The following VTA1 variants were observed in gnomAD, a reference collection of about 807,000 sequenced individuals.
VTA1 encodes vesicle trafficking 1.
VTA1 carries 24 observed loss-of-function variants against 36.9 expected under a neutral mutation model. The ratio of observed to expected loss-of-function variants is 0.65; its 90% CI spans 0.47 to 0.91. VTA1 has a LOEUF of 0.91. Among genes scored for constraint, VTA1 ranks in the 40% least tolerant of loss-of-function variants. The pLI, the probability that VTA1 is intolerant of heterozygous loss-of-function variation, is 0.00. For missense variants in VTA1, 393 were observed against 377.2 expected (o/e 1.04, Z -0.35); for synonymous variants, 142 against 130.2 (o/e 1.09, Z -0.62).
intron 4 of VTA1, among the ~76,000 whole-genome samples, chr6:142,174,801 CA>C (rs1451977250): frequency 1.3e-5 from 2 of 152,050 alleles, no homozygotes; most frequent in African/African-American, 4.8e-5. Flanking sequence ...CCTGTTATTT[CA>C]CGTGAGAAGT....
intron 4 of VTA1, among the ~76,000 whole-genome samples, chr6:142,176,677 CA>C (rs1297898617): frequency 6.7e-6 from 1 of 148,818 alleles, no homozygotes; most frequent in African/African-American, 2.5e-5. Context: ...AAATGAATTA[CA>C]AAAGAGAAAA....
At chr6:142,216,211 C>A (rs954686999) in intron 7 of VTA1, among the ~76,000 whole-genome samples, 8 of 151,818 alleles carry the variant, frequency 5.3e-5, no homozygotes, top group Non-Finnish European at 1.2e-4. Context: ...AAATTTAACA[C>A]TTGTTCTCTT....
At chr6:142,168,081 A>G (rs1265696748) in intron 2 of VTA1, among the ~76,000 whole-genome samples, 1 of 152,194 alleles carries the variant, frequency 6.6e-6, no homozygotes, top group Non-Finnish European at 1.5e-5. Flanking sequence ...TTCCATGGTA[A>G]GGGCACACTG....
Position 142,204,053 on chromosome 6 carries a change from A to G in VTA1, c.766A>G (p.Thr256Ala), listed in dbSNP as rs1202015539. 2 of 1,613,554 alleles carry G rather than the reference A, an allele frequency of 1.2e-6. No individual in the cohort carries two copies. Among genetic ancestry groups the G allele is most frequent in the Non-Finnish European group, 1.7e-6 (2 of 1,179,640 alleles). The change falls in exon 7 of 8, where the codon ACA (threonine) becomes GCA (alanine). Residue 256 changes from threonine to alanine, a missense_variant. By Grantham distance (58) the Thr-to-Ala change is moderately conservative. Transcript: ENST00000367630. ...TGCCATTGATCCCGCACTTTTCAATACAATTTCCCAGGGTAAGTCAGCTGA... is the reference window on the plus strand; with the variant it reads ...TGCCATTGATCCCGCACTTTTCAATGCAATTTCCCAGGGTAAGTCAGCTGA... The part of the protein sequence containing the change: ...IPAIDPALFN[T>A]ISQGDVRLTP...
chr6:142,172,190 T>C, intron 4 of VTA1, among the ~76,000 whole-genome samples: 1 of 152,180 alleles, frequency 6.6e-6, no homozygotes. Context: ...TTTTGTATTT[T>C]AGCAGAGATG....
chr6:142,213,523 G>A (rs1775942019), intron 7 of VTA1, among the ~76,000 whole-genome samples: 1 of 152,234 alleles, frequency 6.6e-6, no homozygotes, highest in African/African-American at 2.4e-5. Context: ...TGGGCATGCT[G>A]CATGGGGGCT....
intron 7 of VTA1, among the ~76,000 whole-genome samples, chr6:142,204,853 T>C (rs1173430927): frequency 6.6e-6 from 1 of 150,882 alleles, no homozygotes; most frequent in Admixed American, 6.6e-5. Context: ...ACCTCCCCAG[T>C]AGCTGGGACT....
chr6:142,152,812 A>T (rs1477459841), intron 1 of VTA1, among the ~76,000 whole-genome samples: 1 of 152,126 alleles, frequency 6.6e-6, no homozygotes, highest in Non-Finnish European at 1.5e-5. Context: ...AATTTTATAA[A>T]TTCCTAGAGC....
chr6:142,187,500 A>G (rs1161092457), intron 4 of VTA1, among the ~76,000 whole-genome samples: 2 of 152,240 alleles, frequency 1.3e-5, no homozygotes, highest in Admixed American at 6.5e-5. Context: ...AGACACAGGC[A>G]TATTCAAATT....
At chr6:142,152,109 ATTTTT>A (rs35388230) in intron 1 of VTA1, among the ~76,000 whole-genome samples, 1 of 147,828 alleles carries the variant, frequency 6.8e-6, no homozygotes, top group Non-Finnish European at 1.5e-5. Context: ...TGTTATTACT[ATTTTT>A]TTTTTTTCAC....
chr6:142,203,239 C>G (rs570036566), intron 6 of VTA1, among the ~76,000 whole-genome samples: 1 of 152,130 alleles, frequency 6.6e-6, no homozygotes, highest in Non-Finnish European at 1.5e-5. Context: ...ACCCTTTCTA[C>G]AAATTGCCTA....
At chr6:142,171,681 A>T (rs1388100636) in intron 4 of VTA1, among the ~76,000 whole-genome samples, 1 of 152,310 alleles carries the variant, frequency 6.6e-6, no homozygotes, top group Middle Eastern at 3.4e-3. Flanking sequence ...TTATTTTCTG[A>T]GAGGGAATAT....
At chr6:142,183,859 G>A (rs138749086) in intron 4 of VTA1, among the ~76,000 whole-genome samples, 2 of 152,216 alleles carry the variant, frequency 1.3e-5, no homozygotes, top group African/African-American at 4.8e-5. Flanking sequence ...AATTAAATAC[G>A]TTGCTTTACT....
chr6:142,201,285 C>G (rs918798737), intron 6 of VTA1, among the ~76,000 whole-genome samples: 1 of 151,776 alleles, frequency 6.6e-6, no homozygotes, highest in Non-Finnish European at 1.5e-5. Flanking sequence ...TCCCCTCTTA[C>G]TCACGTTAAG....
chr6:142,170,304 G>T, intron 3 of VTA1, 42 bp from the exon 4 acceptor site: 2 of 1,384,152 alleles, frequency 1.4e-6, no homozygotes, highest in Non-Finnish European at 2.0e-6. Flanking sequence ...ACATTTTAAT[G>T]TGTTTCATAT....
Position 142,223,545 on chromosome 6 carries a change from C to T in VTA1, c.*4902C>T, listed in dbSNP as rs989158709. ...CCCTGAAAGTCTTAGGCAAAAGCCC[C>T]TGTCTCTTACTTCATATATCAAGTT... is the stretch of plus-strand genomic sequence containing the variant. On this transcript the variant is annotated 3_prime_UTR_variant, in exon 8 of 8. Coordinates refer to ENST00000367630, the MANE Select transcript of VTA1 (RefSeq NM_016485.5). The T allele has an allele frequency of 2.0e-5, 3 of 152,144 alleles. No homozygotes were observed. Among genetic ancestry groups the T allele is most frequent in the Non-Finnish European group, 1.5e-5 (1 of 68,036 alleles). The allele number at this position is 152,144 out of a possible 1,614,324, so 9.4% of individuals were successfully genotyped here.
chr6:142,190,752 A>G lies in VTA1; in HGVS notation c.520+1218A>G, dbSNP rs1485195777. The stretch of plus-strand genomic sequence containing the variant: ...TCAGTAAACTTTCTTAAAGGATCAG[A>G]TAATAAATATTTTCAGTTTATGAAT... On this transcript the variant is annotated intron_variant, in intron 5 of 7. Transcript: ENST00000367630. 2.6e-5 allele frequency among the ~76,000 whole-genome samples: 4 copies of G among 152,216 alleles called. No individual in the cohort carries two copies. The South Asian group carries it at 8.3e-4, about 32-fold the overall frequency.
intron 7 of VTA1, among the ~76,000 whole-genome samples, chr6:142,211,951 A>G (rs2114686629): frequency 6.6e-6 from 1 of 152,310 alleles, no homozygotes; most frequent in South Asian, 2.1e-4. Context: ...GGAAAATGCA[A>G]ATTAGAACAA....
chr6:142,185,631 T>C (rs1775324749), intron 4 of VTA1, among the ~76,000 whole-genome samples: 1 of 152,224 alleles, frequency 6.6e-6, no homozygotes, highest in Non-Finnish European at 1.5e-5. Flanking sequence ...AAGTCAGTGC[T>C]TTAGCACATA....
Sources: allele counts gnomAD v4.1 joint callset (sites outside exome capture counted in the v4.1 genomes callset), GRCh38; gene constraint gnomAD v4.1.1; transcripts MANE v1.5; gene names NCBI Gene and HGNC (gene_info 2026-07-23, HGNC 2026-07-21).